Variants in HYDIN observed in about 807,000 individuals in gnomAD.
HYDIN encodes the protein axonemal central pair apparatus protein HYDIN.
HYDIN carries 132 observed loss-of-function variants against 403.9 expected under a neutral mutation model. The observed-to-expected ratio is 0.33, with a 90% CI of 0.28 to 0.38. HYDIN has a LOEUF of 0.38. HYDIN is among the 10% of genes least tolerant of loss of function. HYDIN has a pLI of 1.00. For missense variants in HYDIN, 2,827 were observed against 5,009.5 expected (o/e 0.56, Z 13.15); for synonymous variants, 1,202 against 1,891.7 (o/e 0.64, Z 9.46).
chr16:70,975,987 A>C (rs2078875944), intron 30 of HYDIN, among the ~76,000 whole-genome samples: 1 of 140,438 alleles, frequency 7.1e-6, no homozygotes, highest in African/African-American at 2.6e-5. Flanking sequence ...ACACGTAATC[A>C]ACAAGAAAGG....
intron 3 of HYDIN, among the ~76,000 whole-genome samples, chr16:71,180,698 T>C (rs1381315929): frequency 6.6e-6 from 1 of 152,064 alleles, no homozygotes; most frequent in African/African-American, 2.4e-5. Flanking sequence ...CATGACCAAG[T>C]TGGGTTCATC....
At chr16:70,915,395 T>C (rs998922348) in intron 47 of HYDIN, among the ~76,000 whole-genome samples, 3 of 151,864 alleles carry the variant, frequency 2.0e-5, no homozygotes, top group Non-Finnish European at 4.4e-5. Flanking sequence ...CGAGCTGTGC[T>C]GATGGTTATC....
At chr16:70,953,493 G>T (rs2078135329) in intron 40 of HYDIN, among the ~76,000 whole-genome samples, 1 of 152,064 alleles carries the variant, frequency 6.6e-6, no homozygotes, top group Non-Finnish European at 1.5e-5. Context: ...AGGCTCTGGG[G>T]CCCTTTCCTT....
chr16:71,134,851 A>T (rs1226629591), intron 8 of HYDIN, among the ~76,000 whole-genome samples: 2 of 152,152 alleles, frequency 1.3e-5, no homozygotes, highest in African/African-American at 4.8e-5. Context: ...CAATGGAGAG[A>T]AGAGCAAGAA....
At chr16:71,016,440 C>G (rs368959849) in intron 23 of HYDIN, among the ~76,000 whole-genome samples, 2 of 151,586 alleles carry the variant, frequency 1.3e-5, no homozygotes, top group East Asian at 3.9e-4. Flanking sequence ...CCTGTTAGGA[C>G]GGCTGTTACT....
chr16:71,019,717 C>T (rs2144123033), intron 22 of HYDIN, among the ~76,000 whole-genome samples: 1 of 152,264 alleles, frequency 6.6e-6, no homozygotes, highest in South Asian at 2.1e-4. Context: ...AAATTTATCC[C>T]AAATTTCACA....
chr16:71,152,103 C>A (rs1238356826), intron 7 of HYDIN, among the ~76,000 whole-genome samples: 1 of 150,126 alleles, frequency 6.7e-6, no homozygotes, highest in Non-Finnish European at 1.5e-5. Flanking sequence ...ATACAGACAA[C>A]CTCAATCCAC....
intron 1 of HYDIN, among the ~76,000 whole-genome samples, chr16:71,190,373 C>T (rs1315234856): frequency 6.7e-6 from 1 of 150,270 alleles, no homozygotes; most frequent in Non-Finnish European, 1.5e-5. Flanking sequence ...GCAATAGATC[C>T]GTTCTTTTAA....
chr16:71,116,727 A>C (rs2084050145), intron 9 of HYDIN, among the ~76,000 whole-genome samples: 2 of 152,098 alleles, frequency 1.3e-5, no homozygotes, highest in South Asian at 4.2e-4. Context: ...TTTCACCAGC[A>C]GATAGTAAAT....
intron 47 of HYDIN, among the ~76,000 whole-genome samples, chr16:70,914,382 T>C (rs565954750): frequency 1.0e-3 from 155 of 152,238 alleles, no homozygotes; most frequent in Middle Eastern, 3.4e-3. Context: ...ACTGTATCTT[T>C]CCTTCATATA....
At chr16:71,135,846 T>C (rs200749521) in intron 8 of HYDIN, among the ~76,000 whole-genome samples, 1 of 142,496 alleles carries the variant, frequency 7.0e-6, no homozygotes, top group Admixed American at 7.1e-5. Context: ...TTAAAGCTCA[T>C]TGTCTGAATG....
intron 18 of HYDIN, among the ~76,000 whole-genome samples, chr16:71,055,899 C>G (rs1568070367): frequency 6.6e-6 from 1 of 152,122 alleles, no homozygotes; most frequent in Non-Finnish European, 1.5e-5. Context: ...CCGAGCAAGG[C>G]ACTTCCTCTG....
chr16:70,858,739 T>C (rs577343544), intron 71 of HYDIN, among the ~76,000 whole-genome samples: 149 of 152,244 alleles, frequency 9.8e-4, no homozygotes, highest in African/African-American at 3.4e-3. Flanking sequence ...CTTTGGATGA[T>C]GGATTTTGGA....
chr16:71,229,752 T>C (rs1165944665), intron 1 of HYDIN, among the ~76,000 whole-genome samples: 1 of 152,212 alleles, frequency 6.6e-6, no homozygotes, highest in Non-Finnish European at 1.5e-5. Flanking sequence ...GGAAGGGGCA[T>C]TGACTACAAT....
At chr16:70,934,435 T>G (rs1207230334) in intron 45 of HYDIN, among the ~76,000 whole-genome samples, 2 of 152,088 alleles carry the variant, frequency 1.3e-5, no homozygotes, top group African/African-American at 2.4e-5. Context: ...GTGCTGACGG[T>G]CGAAGACATA....
intron 76 of HYDIN, among the ~76,000 whole-genome samples, chr16:70,838,690 C>T (rs1186590740): frequency 6.6e-6 from 1 of 152,114 alleles, no homozygotes. Context: ...ATGTGGCCCA[C>T]TTGGGTCTCT....
At chr16:70,940,914 G>A (rs1250844519) in intron 43 of HYDIN, among the ~76,000 whole-genome samples, 1 of 152,246 alleles carries the variant, frequency 6.6e-6, no homozygotes, top group Non-Finnish European at 1.5e-5. Context: ...CGTAGACAGC[G>A]CCACCAGCCT....
intron 18 of HYDIN, among the ~76,000 whole-genome samples, chr16:71,043,992 A>AAGAG (rs2081372895): frequency 6.6e-6 from 1 of 151,830 alleles, no homozygotes; most frequent in East Asian, 1.9e-4. Context: ...GAGAGAGAAA[A>AAGAG]AGAGAGAGAA....
At chr16:71,067,582 T>C (rs2082318473) in intron 14 of HYDIN, among the ~76,000 whole-genome samples, 192 bp from the exon 15 acceptor site, 1 of 150,012 alleles carries the variant, frequency 6.7e-6, no homozygotes, top group Non-Finnish European at 1.5e-5. Context: ...AAGGCCAGGG[T>C]AGAAACCAAA....
Sources: allele counts gnomAD v4.1 joint callset (sites outside exome capture counted in the v4.1 genomes callset), GRCh38; gene constraint gnomAD v4.1.1; transcripts MANE v1.5; gene names NCBI Gene and HGNC (gene_info 2026-07-23, HGNC 2026-07-21).